Variants in GPC5 observed in about 807,000 individuals in gnomAD.
GPC5 encodes the protein glypican-5.
GPC5 carries 47 observed loss-of-function variants against 53.9 expected under a neutral mutation model. The ratio of observed to expected loss-of-function variants is 0.87; its 90% CI spans 0.69 to 1.11. The LOEUF is 1.11. GPC5 is among the 50% of genes most tolerant of loss of function. The probability of loss-of-function intolerance (pLI) is 0.00; values close to 1 mark genes in which losing one functional copy is unlikely to be tolerated. For missense variants in GPC5, 748 were observed against 713.1 expected (o/e 1.05, Z -0.56); for synonymous variants, 286 against 263.3 (o/e 1.09, Z -0.84).
intron 7 of GPC5, among the ~76,000 whole-genome samples, chr13:92,258,120 G>A (rs750103618): frequency 2.1e-4 from 32 of 152,004 alleles, no homozygotes; most frequent in Admixed American, 1.7e-3. Flanking sequence ...AGCAGAAAAC[G>A]AATTACTTTT....
At chr13:92,057,588 T>A (rs1417600084) in intron 6 of GPC5, among the ~76,000 whole-genome samples, 2 of 151,914 alleles carry the variant, frequency 1.3e-5, no homozygotes, top group Admixed American at 6.6e-5. Context: ...CAATTTTTTT[T>A]AATCTATTTT....
chr13:92,546,402 G>T (rs2139009122), intron 7 of GPC5, among the ~76,000 whole-genome samples: 1 of 152,182 alleles, frequency 6.6e-6, no homozygotes, highest in Non-Finnish European at 1.5e-5. Flanking sequence ...AATCATGAGT[G>T]AACTCCCATT....
At chr13:92,044,431 A>T (rs7327060) in intron 6 of GPC5, among the ~76,000 whole-genome samples, 2 of 151,984 alleles carry the variant, frequency 1.3e-5, no homozygotes, top group African/African-American at 4.8e-5. Flanking sequence ...GAATCAGAAG[A>T]TGTCATCATA....
chr13:91,764,107 G>A lies in GPC5; in HGVS notation c.1280+7687G>A, dbSNP rs375389794. On this transcript the variant is annotated intron_variant, in intron 5 of 7. Transcript: ENST00000377067. ...TTGAACACAGTTGAATCCTTGATCT[G>A]GAACTGGTGGATCCAGAGGGCCAAC... Among the ~76,000 whole-genome samples the A allele has an allele frequency of 1.4e-3, 215 of 152,182 alleles. 1 individual carries two copies. In the Middle Eastern group the frequency reaches 0.037, roughly 26 times the overall value.
intron 7 of GPC5, among the ~76,000 whole-genome samples, chr13:92,461,583 A>G (rs1878481494): frequency 6.6e-6 from 1 of 152,184 alleles, no homozygotes; most frequent in Admixed American, 6.5e-5. Context: ...CAGATTCCCA[A>G]TGTGATAGTA....
At chr13:92,234,626 G>T (rs979032665) in intron 7 of GPC5, among the ~76,000 whole-genome samples, 2 of 151,012 alleles carry the variant, frequency 1.3e-5, no homozygotes, top group Non-Finnish European at 2.9e-5. Context: ...TGGCGGTGGT[G>T]GGGGGGTGCA....
intron 7 of GPC5, among the ~76,000 whole-genome samples, chr13:92,631,636 C>T (rs541369008): frequency 2.0e-5 from 3 of 152,128 alleles, no homozygotes; most frequent in Non-Finnish European, 4.4e-5. Flanking sequence ...AAAACTGCAA[C>T]TGCTTTTGCG....
chr13:92,476,071 C>T (rs566612764), intron 7 of GPC5, among the ~76,000 whole-genome samples: 1 of 152,072 alleles, frequency 6.6e-6, no homozygotes, highest in Non-Finnish European at 1.5e-5. Context: ...AGAGCTTCTG[C>T]ACAGCAAAAG....
intron 7 of GPC5, among the ~76,000 whole-genome samples, chr13:92,331,415 C>G (rs4351927): frequency 3.9e-5 from 6 of 151,920 alleles, no homozygotes; most frequent in Admixed American, 1.3e-4. Context: ...TGATGAATGC[C>G]GAAATTTGAA....
chr13:92,076,722 A>G (rs2041255032), intron 6 of GPC5, among the ~76,000 whole-genome samples: 1 of 152,290 alleles, frequency 6.6e-6, no homozygotes, highest in South Asian at 2.1e-4. Flanking sequence ...GACAAAGAAG[A>G]AAGTAAAAAA....
chr13:92,187,051 G>T (rs988895767), intron 7 of GPC5, among the ~76,000 whole-genome samples: 1 of 151,868 alleles, frequency 6.6e-6, no homozygotes, highest in African/African-American at 2.4e-5. Context: ...GGTGGAGGTT[G>T]CAGTGAGCTG....
chr13:92,009,828 T>C (rs1047517455), intron 6 of GPC5, among the ~76,000 whole-genome samples: 3 of 152,184 alleles, frequency 2.0e-5, no homozygotes, highest in Non-Finnish European at 4.4e-5. Flanking sequence ...TTTATTTATC[T>C]TTTCTCACAG....
chr13:91,722,987 C>T (rs534113729), intron 3 of GPC5, among the ~76,000 whole-genome samples: 1 of 152,094 alleles, frequency 6.6e-6, no homozygotes, highest in South Asian at 2.1e-4. Flanking sequence ...TATAAATATT[C>T]CTTGTTGCAA....
chr13:92,764,858 G>T (rs1875330734), intron 7 of GPC5, among the ~76,000 whole-genome samples: 1 of 152,040 alleles, frequency 6.6e-6, no homozygotes. Context: ...TATGGGGAAA[G>T]GGTGGAGGTC....
chr13:92,308,467 T>C (rs1040239009), intron 7 of GPC5, among the ~76,000 whole-genome samples: 2 of 152,296 alleles, frequency 1.3e-5, no homozygotes, highest in Non-Finnish European at 2.9e-5. Flanking sequence ...AACACGTTTC[T>C]GCAGAACTCA....
intron 5 of GPC5, among the ~76,000 whole-genome samples, chr13:91,841,890 T>C (rs1436643931): frequency 6.6e-6 from 1 of 152,198 alleles, no homozygotes. Flanking sequence ...GTTTTTGAGA[T>C]ATTTTAGTCA....
intron 7 of GPC5, among the ~76,000 whole-genome samples, chr13:92,593,833 T>C (rs1883787553): frequency 6.6e-6 from 1 of 152,162 alleles, no homozygotes; most frequent in South Asian, 2.1e-4. Context: ...TTGACAAAGG[T>C]ATTTCAGTGG....
At chr13:91,458,096 G>A (rs1433254833) in intron 2 of GPC5, among the ~76,000 whole-genome samples, 1 of 152,082 alleles carries the variant, frequency 6.6e-6, no homozygotes, top group Non-Finnish European at 1.5e-5. Flanking sequence ...CAGGGAAGAA[G>A]TGGCATTTCA....
At chr13:91,471,348 C>T (rs1882613207) in intron 2 of GPC5, among the ~76,000 whole-genome samples, 1 of 151,920 alleles carries the variant, frequency 6.6e-6, no homozygotes. Flanking sequence ...ATAATTTCAG[C>T]TTTAAATATA....
Sources: allele counts gnomAD v4.1 joint callset (sites outside exome capture counted in the v4.1 genomes callset), GRCh38; gene constraint gnomAD v4.1.1; transcripts MANE v1.5; gene names NCBI Gene and HGNC (gene_info 2026-07-23, HGNC 2026-07-21).